The following SDK1 variants were observed in gnomAD, a reference collection of about 807,000 sequenced individuals.
SDK1 encodes the protein sidekick cell adhesion molecule 1.
In SDK1, 157 loss-of-function variants were observed where a neutral mutation model predicts 245.5. The ratio of observed to expected loss-of-function variants is 0.64; its 90% CI spans 0.56 to 0.73. The LOEUF is 0.73. Among genes scored for constraint, SDK1 ranks in the 30% least tolerant of loss-of-function variants. The probability of loss-of-function intolerance (pLI) is 0.00; values close to 1 mark genes in which losing one functional copy is unlikely to be tolerated. For synonymous variants in SDK1, 1,647 were observed against 1,278.5 expected, an observed-to-expected ratio of 1.29 and a Z score of -6.15; for missense variants, 3,583 against 3,002.3, an observed-to-expected ratio of 1.19 and a Z score of -4.52.
chr7:3,683,622 C>G (rs1260825623), intron 4 of SDK1, among the ~76,000 whole-genome samples: 2 of 152,200 alleles, frequency 1.3e-5, no homozygotes, highest in African/African-American at 4.8e-5. Flanking sequence ...CACCTCACAG[C>G]TAACATTCCC....
intron 1 of SDK1, among the ~76,000 whole-genome samples, chr7:3,335,039 T>G (rs73046694): frequency 0.14 from 21,927 of 152,116 alleles, 2,434 homozygotes; most frequent in African/African-American, 0.31. Flanking sequence ...TTTCTCTGCT[T>G]TTAAAACATA....
At chr7:3,783,721 G>A (rs930586014) in intron 4 of SDK1, among the ~76,000 whole-genome samples, 1 of 152,042 alleles carries the variant, frequency 6.6e-6, no homozygotes, top group African/African-American at 2.4e-5. Flanking sequence ...CAAATAAATG[G>A]AAAAATATTT....
At chr7:3,664,604 G>T (rs1001768623) in intron 4 of SDK1, among the ~76,000 whole-genome samples, 1 of 152,036 alleles carries the variant, frequency 6.6e-6, no homozygotes, top group African/African-American at 2.4e-5. Context: ...GCCGGGCATG[G>T]TGGCGGGCAT....
At chr7:4,128,803 C>CAGAGGACAGCAG (rs1784568149) in intron 26 of SDK1, among the ~76,000 whole-genome samples, 1 of 54,514 alleles carries the variant, frequency 1.8e-5, no homozygotes, top group African/African-American at 7.0e-5. Flanking sequence ...GAGGAGAGCA[C>CAGAGGACAGCAG]CTTGGGGTAG....
chr7:3,960,949 G>A (rs1781628808), intron 8 of SDK1, among the ~76,000 whole-genome samples: 1 of 152,198 alleles, frequency 6.6e-6, no homozygotes, highest in African/African-American at 2.4e-5. Flanking sequence ...TTTCTGTTAT[G>A]ACATTAAATT....
chr7:4,082,645 G>T lies in SDK1; in HGVS notation c.3324+3061G>T, dbSNP rs116881627. ...AAATTATTATTATTTTTTTGAGATA[G>T]AATCTCACTCTGTCACCCAGACAGG... On this transcript the variant is annotated intron_variant, in intron 22 of 44. Coordinates refer to ENST00000404826, the MANE Select transcript of SDK1 (RefSeq NM_152744.4). 3.4e-3 allele frequency among the ~76,000 whole-genome samples: 517 copies of T among 151,828 alleles called. 3 individuals are homozygous for T. Among genetic ancestry groups the T allele is most frequent in the South Asian group, 0.032 (152 of 4,800 alleles).
chr7:3,556,149 A>G (rs1269240828), intron 1 of SDK1, among the ~76,000 whole-genome samples: 1 of 152,210 alleles, frequency 6.6e-6, no homozygotes, highest in Non-Finnish European at 1.5e-5. Flanking sequence ...ACAATAGCCA[A>G]CATTTGTAAG....
At chr7:3,427,449 A>G (rs1400484498) in intron 1 of SDK1, among the ~76,000 whole-genome samples, 2 of 147,300 alleles carry the variant, frequency 1.4e-5, no homozygotes, top group Non-Finnish European at 3.0e-5. Flanking sequence ...AACCTGGGAG[A>G]GGGAGGTTGC....
At position 3,826,814 on chromosome 7, in the gene SDK1, G is replaced by A. The variant is rs74632265; in HGVS notation, c.847+5231G>A. Among the ~76,000 whole-genome samples, 1,073 of 152,144 alleles carry A rather than the reference G, an allele frequency of 7.1e-3. 11 individuals carry two copies. The highest frequency in any genetic ancestry group is 0.024 in the African/African-American group (983 of 41,494). ...AACTTAGTTTCCTTCTTGGGCTTTC[G>A]GTGAGAAAACATAAGTTAAAATACT... On this transcript the variant is annotated intron_variant, in intron 5 of 44. Coordinates refer to ENST00000404826, the MANE Select transcript of SDK1 (RefSeq NM_152744.4).
chr7:3,832,075 A>C (rs934113713), intron 5 of SDK1, among the ~76,000 whole-genome samples: 2 of 152,158 alleles, frequency 1.3e-5, no homozygotes. Context: ...TAATAATCAT[A>C]ATAACCACCA....
At chr7:4,193,130 A>G (rs1783311503) in intron 35 of SDK1, among the ~76,000 whole-genome samples, 1 of 133,872 alleles carries the variant, frequency 7.5e-6, no homozygotes, top group Non-Finnish European at 1.5e-5. Context: ...TATATAATAT[A>G]TAAATATATT....
At chr7:3,402,295 G>A (rs1302952592) in intron 1 of SDK1, among the ~76,000 whole-genome samples, 2 of 152,158 alleles carry the variant, frequency 1.3e-5, no homozygotes, top group African/African-American at 4.8e-5. Context: ...GGATGGTGAA[G>A]CTTGGCTATT....
intron 4 of SDK1, among the ~76,000 whole-genome samples, chr7:3,777,884 A>G (rs975491278): frequency 1.4e-4 from 21 of 152,204 alleles, no homozygotes; most frequent in East Asian, 5.8e-4. Context: ...AAAAGGAGAC[A>G]TGGTCCTTTT....
intron 5 of SDK1, among the ~76,000 whole-genome samples, chr7:3,925,186 A>C (rs1361636093): frequency 1.3e-5 from 2 of 152,132 alleles, no homozygotes; most frequent in African/African-American, 2.4e-5. Flanking sequence ...GAAGCCCCAG[A>C]TGGCACCCCC....
intron 1 of SDK1, among the ~76,000 whole-genome samples, chr7:3,455,747 T>A (rs537659380): frequency 3.0e-4 from 45 of 152,324 alleles, no homozygotes; most frequent in African/African-American, 1.0e-3. Context: ...CAAGATTGTT[T>A]TAGCTATTCT....
At chr7:4,132,480 G>C (rs1784905100) in intron 28 of SDK1, 57 bp downstream of exon 28, 1 of 1,215,710 alleles carries the variant, frequency 8.2e-7, no homozygotes, top group African/African-American at 1.5e-5. Flanking sequence ...CCAGCACCTT[G>C]GGAGACCGAG....
chr7:3,652,909 C>T (rs1387422380), intron 4 of SDK1, among the ~76,000 whole-genome samples: 1 of 152,062 alleles, frequency 6.6e-6, no homozygotes, highest in Non-Finnish European at 1.5e-5. Flanking sequence ...GAAGGATGTT[C>T]CAGTAGGATA....
intron 2 of SDK1, among the ~76,000 whole-genome samples, chr7:3,627,732 A>G (rs1421491161): frequency 2.0e-5 from 3 of 152,294 alleles, no homozygotes; most frequent in African/African-American, 7.2e-5. Flanking sequence ...GTCCCATTTT[A>G]TTAGTTGAGA....
intron 5 of SDK1, among the ~76,000 whole-genome samples, chr7:3,824,162 C>G (rs994115143): frequency 6.6e-6 from 1 of 152,078 alleles, no homozygotes; most frequent in Non-Finnish European, 1.5e-5. Context: ...GGATGCGTCT[C>G]TTCACCAGAT....
Sources: gnomAD v4.1 joint callset for allele counts (sites outside exome capture counted in the v4.1 genomes callset) on GRCh38, gnomAD v4.1.1 for gene constraint, MANE v1.5 for transcripts, NCBI Gene and HGNC (gene_info 2026-07-23, HGNC 2026-07-21) for gene names.